APOO: variants seen among roughly 807,000 people sequenced by gnomAD.
APOO encodes the protein apolipoprotein O, also known as MICOS complex subunit MIC26.
In APOO, 11 loss-of-function variants were observed where a neutral mutation model predicts 23.1. The ratio of observed to expected loss-of-function variants is 0.48; its 90% confidence interval spans 0.30 to 0.79. The LOEUF (loss-of-function observed/expected upper bound fraction) is 0.79, where lower values mean the gene tolerates loss of function less well. Among genes scored for constraint, APOO ranks in the 30% least tolerant of loss-of-function variants. APOO has a pLI of 0.07. For missense variants in APOO, 160 were observed against 142.7 expected, an observed-to-expected ratio of 1.12 and a Z score of -0.62; for synonymous variants, 59 against 54.8, an observed-to-expected ratio of 1.08 and a Z score of -0.34.
At chrX:23,879,349 T>A in intron 2 of APOO, among the ~76,000 whole-genome samples, 1 of 111,378 alleles carries the variant, frequency 9.0e-6, no homozygotes, top group Non-Finnish European at 1.9e-5. Context: ...GGCGGGAGAA[T>A]CTCTTGAACC....
chrX:23,889,694 G>A lies in APOO; in HGVS notation c.10-8742C>T, dbSNP rs756715902. Among the ~76,000 whole-genome samples the A allele has an allele frequency of 3.6e-3, 307 of 85,959 alleles. 2 individuals are homozygous for A. Among genetic ancestry groups the A allele is most frequent in the African/African-American group, 0.013 (278 of 21,750 alleles). The allele number at this position is 85,959 out of a possible 115,157, so 74.6% of individuals were successfully genotyped here. ...TTTTTTTTTTTTAAGACAGAGCCTC[G>A]CTCTGTCGCCCAGGCTGGAGTGCAG... On this transcript the variant is annotated intron_variant, in intron 1 of 8. Coordinates refer to ENST00000379226, the MANE Select transcript of APOO (RefSeq NM_024122.5).
intron 1 of APOO, chrX:23,884,055 T>A (rs749763223): frequency 6.3e-5 from 7 of 111,070 alleles, no homozygotes; most frequent in Non-Finnish European, 1.1e-4. Flanking sequence ...GGAGTTCGAG[T>A]TTTGTGGGAG....
rs543879334 is a variant in APOO at position 23,841,486 on chromosome X, T to TAAAA, written c.562-1113_562-1110dup. Reference sequence around the variant, plus strand: ...CTTGGGCAACATAGAAAAAGAAGTTTAAAAAAAAAAAAAAAAAAAAAAAGA... The same window carrying TAAAA: ...CTTGGGCAACATAGAAAAAGAAGTTTAAAAAAAAAAAAAAAAAAAAAAAAAAAGA... On this transcript the variant is annotated intron_variant, in intron 7 of 8. Transcript: ENST00000379226. Among the ~76,000 whole-genome samples, 3 of 65,077 alleles carry TAAAA rather than the reference T, an allele frequency of 4.6e-5. 1 individual carries two copies. In the East Asian group the frequency reaches 1.6e-3, roughly 34 times the overall value. The allele number at this position is 65,077 out of a possible 115,157, so 56.5% of individuals were successfully genotyped here.
chrX:23,888,686 A>T (rs1414305667), intron 1 of APOO, among the ~76,000 whole-genome samples: 1 of 109,611 alleles, frequency 9.1e-6, no homozygotes, highest in Non-Finnish European at 1.9e-5. Context: ...CTCCATCTCT[A>T]CTAAAATACA....
chrX:23,907,876 G>T lies in APOO; in HGVS notation c.-174C>A. 2.0e-6 allele frequency: 1 copy of T among 500,153 alleles called. No individual in the cohort carries two copies. Among genetic ancestry groups the T allele is most frequent in the Non-Finnish European group, 3.0e-6 (1 of 333,369 alleles). 41.2% of individuals were successfully genotyped at this position (500,153 alleles called of 1,213,427 possible). On this transcript the variant is annotated 5_prime_UTR_variant, in exon 1 of 9. Transcript: ENST00000379226. ...CGGCGAAGGTTTAGTTCAATCACCC[G>T]GTTCTAGAAGCCGCGTCGCTGAGCC...
chrX:23,866,436 T>C (rs1227733084), intron 5 of APOO, among the ~76,000 whole-genome samples: 1 of 111,709 alleles, frequency 9.0e-6, no homozygotes, highest in Non-Finnish European at 1.9e-5. Flanking sequence ...GGTGAGCTGG[T>C]AGTGCCACCA....
chrX:23,890,547 A>G (rs751051239), intron 1 of APOO, among the ~76,000 whole-genome samples: 70 of 112,497 alleles, frequency 6.2e-4, no homozygotes, highest in Middle Eastern at 4.6e-3. Context: ...TCAACCTTAC[A>G]TGGTGCAGAA....
chrX:23,865,597 G>C (rs1372662105), intron 5 of APOO, among the ~76,000 whole-genome samples: 4 of 69,018 alleles, frequency 5.8e-5, no homozygotes, highest in Admixed American at 1.4e-4. Flanking sequence ...GAGCAAGACT[G>C]TCTCAAAAAA....
At chrX:23,863,263 G>A (rs1925176999) in intron 5 of APOO, among the ~76,000 whole-genome samples, 1 of 112,151 alleles carries the variant, frequency 8.9e-6, no homozygotes, top group Non-Finnish European at 1.9e-5. Context: ...GAACCCAGAG[G>A]TGGAGGAGGT....
rs1009272427 is a variant in APOO at position 23,878,839 on chromosome X, A to G, written c.237+76T>C. The G allele has an allele frequency of 1.7e-5, 19 of 1,120,949 alleles. No homozygotes were observed. In the South Asian group the frequency reaches 3.3e-4, roughly 19 times the overall value. The allele number at this position is 1,120,949 out of a possible 1,213,427, so 92.4% of individuals were successfully genotyped here. On this transcript the variant is annotated intron_variant, in intron 3 of 8. Transcript: ENST00000379226. ...CCCTTTATCATGCCTTTTTCCAAAAACATGCAGCCAATACAGACTTTCCTC... is the reference window on the plus strand; with the variant it reads ...CCCTTTATCATGCCTTTTTCCAAAAGCATGCAGCCAATACAGACTTTCCTC...
At position 23,907,892 on chromosome X, in the gene APOO, T is replaced by C; in HGVS notation, c.-190A>G. 1 of 454,865 alleles carries C rather than the reference T, an allele frequency of 2.2e-6. No individual in the cohort carries two copies. Among genetic ancestry groups the C allele is most frequent in the Non-Finnish European group, 3.4e-6 (1 of 294,323 alleles). The allele number at this position is 454,865 out of a possible 1,213,427, so 37.5% of individuals were successfully genotyped here. On this transcript the variant is annotated 5_prime_UTR_variant, in exon 1 of 9. Coordinates refer to ENST00000379226, the MANE Select transcript of APOO (RefSeq NM_024122.5). ...CAATCACCCGGTTCTAGAAGCCGCG[T>C]CGCTGAGCCGCAGCGCGTCGCGCCC...
intron 1 of APOO, among the ~76,000 whole-genome samples, chrX:23,902,169 T>C (rs1000247376): frequency 4.5e-5 from 5 of 111,582 alleles, no homozygotes; most frequent in Non-Finnish European, 9.4e-5. Context: ...TTTTAAAAGC[T>C]CCCCAGGTGG....
chrX:23,877,605 C>T (rs1210763016), intron 3 of APOO, among the ~76,000 whole-genome samples: 1 of 110,739 alleles, frequency 9.0e-6, no homozygotes, highest in African/African-American at 3.3e-5. Flanking sequence ...GAAACTCTGC[C>T]TCTACGATAA....
At chrX:23,845,607 C>G (rs774504894) in intron 7 of APOO, among the ~76,000 whole-genome samples, 3 of 112,263 alleles carry the variant, frequency 2.7e-5, no homozygotes, top group Non-Finnish European at 5.6e-5. Context: ...AGTAATTGTC[C>G]TTCTGTGATT....
intron 8 of APOO, among the ~76,000 whole-genome samples, chrX:23,839,527 T>C (rs1022149616): frequency 8.9e-6 from 1 of 112,034 alleles, no homozygotes; most frequent in African/African-American, 3.2e-5. Context: ...AGGGCCATGA[T>C]TTACAATAAA....
chrX:23,895,537 T>C (rs969574504), intron 1 of APOO, among the ~76,000 whole-genome samples: 1 of 111,389 alleles, frequency 9.0e-6, no homozygotes, highest in African/African-American at 3.3e-5. Flanking sequence ...AAACACCTAA[T>C]GCATGCGGGG....
chrX:23,895,181 A>C (rs1926846115), intron 1 of APOO, among the ~76,000 whole-genome samples: 1 of 111,184 alleles, frequency 9.0e-6, no homozygotes, highest in Non-Finnish European at 1.9e-5. Context: ...CACACACACA[A>C]AGATGAGAAA....
At chrX:23,858,877 G>T in intron 5 of APOO, 144 bp from the exon 6 acceptor site, 1 of 458,053 alleles carries the variant, frequency 2.2e-6, no homozygotes, top group Non-Finnish European at 3.6e-6. Context: ...GAGGCGGGAG[G>T]ATCACTTGAG....
chrX:23,882,305 C>T (rs1297046267), intron 1 of APOO, among the ~76,000 whole-genome samples: 6 of 112,172 alleles, frequency 5.3e-5, no homozygotes, highest in South Asian at 7.2e-4. Context: ...TGCAGCCATA[C>T]GTTTCAACAG....
Sources: gnomAD v4.1 joint callset for allele counts (sites outside exome capture counted in the v4.1 genomes callset) on GRCh38, gnomAD v4.1.1 for gene constraint, MANE v1.5 for transcripts, NCBI Gene and HGNC (gene_info 2026-07-23, HGNC 2026-07-21) for gene names.